CALU: variants seen among roughly 807,000 people sequenced by gnomAD.
CALU encodes calumenin, also known as IEF SSP 9302.
In CALU, 13 loss-of-function variants were observed where a neutral mutation model predicts 37.5. That is an observed-to-expected ratio of 0.35 (90% confidence interval 0.23 to 0.55). CALU has a LOEUF of 0.55. Among genes scored for constraint, CALU ranks in the 20% least tolerant of loss-of-function variants. The probability of loss-of-function intolerance (pLI) is 0.89; values close to 1 mark genes in which losing one functional copy is unlikely to be tolerated. For synonymous variants in CALU, 114 were observed against 133.8 expected (o/e 0.85, Z 1.02); for missense variants, 282 against 391.7 (o/e 0.72, Z 2.36).
chr7:128,750,184 C>A (rs189569292), intron 2 of CALU, among the ~76,000 whole-genome samples: 17 of 144,438 alleles, frequency 1.2e-4, no homozygotes, highest in East Asian at 6.0e-4. Flanking sequence ...GCCGAGATCA[C>A]GCCACTGCAC....
At chr7:128,768,254 G>A (rs554570710) in intron 6 of CALU, among the ~76,000 whole-genome samples, 22 of 152,220 alleles carry the variant, frequency 1.4e-4, no homozygotes, top group African/African-American at 4.3e-4. Context: ...AGTGTTCTGA[G>A]TATATTTTTG....
intron 1 of CALU, among the ~76,000 whole-genome samples, chr7:128,746,762 CTTTTT>C (rs71162530): frequency 1.6e-5 from 2 of 122,660 alleles, no homozygotes; most frequent in Non-Finnish European, 3.3e-5. Flanking sequence ...TCATGTCATT[CTTTTT>C]TTTTTTTTTT....
rs987479796 is a variant in CALU, at chr7:128,773,327, C to T, written c.*4160C>T. Among the ~76,000 whole-genome samples, 12 of 152,078 alleles carry T rather than the reference C, an allele frequency of 7.9e-5. No homozygotes were observed. Among genetic ancestry groups the T allele is most frequent in the Non-Finnish European group, 1.6e-4 (11 of 68,008 alleles). On this transcript the variant is annotated 3_prime_UTR_variant, in exon 7 of 7. Coordinates refer to ENST00000249364, the MANE Select transcript of CALU (RefSeq NM_001219.5). ...TTCCAGGATACATGTGCAGGATGTG[C>T]AGGTTTGTTACATAGGTAAACGTGT...
chr7:128,766,617 T>G (rs561291114), intron 5 of CALU, among the ~76,000 whole-genome samples: 1 of 151,932 alleles, frequency 6.6e-6, no homozygotes, highest in East Asian at 1.9e-4. Context: ...TTAGTAGAGA[T>G]GGGGTTTTGC....
In CALU at chr7:128,757,358, AGT is replaced by A. The variant is rs10638444; in HGVS notation, c.416-1480_416-1479del. 8.6e-3 allele frequency among the ~76,000 whole-genome samples: 1,254 copies of A among 145,790 alleles called. 8 individuals carry two copies. The highest frequency in any genetic ancestry group is 0.048 in the East Asian group (236 of 4,914). On this transcript the variant is annotated intron_variant, in intron 3 of 6. Transcript: ENST00000249364. ...TCCATCTCAACCTATTATGGCTTTG[AGT>A]GTGTGTGTGTGTGTGTGTGTGTGTG...
intron 2 of CALU, among the ~76,000 whole-genome samples, chr7:128,749,926 G>A (rs911288175): frequency 6.6e-5 from 10 of 152,106 alleles, no homozygotes; most frequent in African/African-American, 2.4e-4. Context: ...TAACATTCCA[G>A]GCTGAAAATA....
intron 1 of CALU, among the ~76,000 whole-genome samples, chr7:128,742,670 G>A (rs1195946147): frequency 1.3e-5 from 2 of 152,194 alleles, no homozygotes; most frequent in Non-Finnish European, 2.9e-5. Context: ...TTACCTGAAG[G>A]GTGGGGTAGG....
chr7:128,765,263 T>C (rs1053820857), intron 5 of CALU, among the ~76,000 whole-genome samples: 3 of 152,038 alleles, frequency 2.0e-5, no homozygotes, highest in Admixed American at 6.6e-5. Context: ...CTCTGTCACC[T>C]AGGCTGGAGT....
Position 128,769,287 on chromosome 7 carries a change from A to G in CALU, c.*120A>G, listed in dbSNP as rs1266536476. On this transcript the variant is annotated 3_prime_UTR_variant, in exon 7 of 7. Coordinates refer to ENST00000249364, the MANE Select transcript of CALU (RefSeq NM_001219.5). The stretch of plus-strand genomic sequence containing the variant: ...AACTTTTTAAGACATGAAAAGGCGT[A>G]ATGAAAACCATCCCGTCCCCATTCC... 1 of 591,134 alleles carries G rather than the reference A, an allele frequency of 1.7e-6. No individual in the cohort carries two copies. The highest frequency in any genetic ancestry group is 2.9e-5 in the East Asian group (1 of 34,640). The allele number at this position is 591,134 out of a possible 1,614,324, so 36.6% of individuals were successfully genotyped here.
chr7:128,740,248 A>G (rs1330242817), intron 1 of CALU, among the ~76,000 whole-genome samples: 1 of 152,242 alleles, frequency 6.6e-6, no homozygotes, highest in African/African-American at 2.4e-5. Context: ...GTCTCCTGCT[A>G]AAACTTTTGA....
chr7:128,746,727 C>T (rs1407959502), intron 1 of CALU, among the ~76,000 whole-genome samples: 2 of 151,086 alleles, frequency 1.3e-5, no homozygotes, highest in Admixed American at 1.3e-4. Flanking sequence ...CTTGGGATTA[C>T]AGGCGTGAAC....
chr7:128,754,552 C>T (rs2307040), intron 3 of CALU, 97 bp downstream of exon 3: 531,297 of 1,555,712 alleles, frequency 0.34, 96,989 homozygotes, highest in Middle Eastern at 0.39. Context: ...AAAATAGACG[C>T]GGATAAAGAT....
chr7:128,765,123 C>T (rs1801280585), intron 5 of CALU, among the ~76,000 whole-genome samples: 1 of 152,150 alleles, frequency 6.6e-6, no homozygotes, highest in African/African-American at 2.4e-5. Context: ...CTACATTGCC[C>T]AGGCTGGTCT....
intron 5 of CALU, among the ~76,000 whole-genome samples, chr7:128,760,737 T>C (rs1302537124): frequency 6.6e-6 from 1 of 152,156 alleles, no homozygotes; most frequent in Non-Finnish European, 1.5e-5. Flanking sequence ...TGAAACCCTG[T>C]CTCTACTAAA....
At chr7:128,748,954 A>G (rs1180089398) in intron 2 of CALU, 150 bp downstream of exon 2, 21 of 591,866 alleles carry the variant, frequency 3.5e-5, no homozygotes, top group Non-Finnish European at 5.7e-5. Context: ...TACCTCTAAA[A>G]TTTCATTAAA....
intron 1 of CALU, among the ~76,000 whole-genome samples, chr7:128,746,762 CTTTTTTTTTTTT>C (rs71162530): frequency 7.1e-4 from 87 of 122,626 alleles, no homozygotes; most frequent in Admixed American, 8.2e-4. Context: ...TCATGTCATT[CTTTTTTTTTTTT>C]TTTTTTTTTT....
rs745704766 is a variant in CALU, at chr7:128,754,298, G to A, written c.258G>A (p.Gly86=). ...IVSKIDGDKD[G]FVTVDELKDW... ...GTAAAATAGATGGCGACAAGGACGG[G>A]TTTGTCACTGTGGATGAGCTCAAAG... The change falls in exon 3 of 7, where the codon GGG becomes GGA. Residue 86 remains glycine (G), a synonymous_variant. Transcript: ENST00000249364. 6.2e-7 allele frequency: 1 copy of A among 1,612,474 alleles called. No homozygotes were observed. Among genetic ancestry groups the A allele is most frequent in the Non-Finnish European group, 8.5e-7 (1 of 1,179,562 alleles).
At position 128,770,260 on chromosome 7, in the gene CALU, GA is replaced by G. The variant is rs1801506971; in HGVS notation, c.*1094del. 1.3e-5 allele frequency: 2 copies of G among 152,708 alleles called. No individual in the cohort carries two copies. Among genetic ancestry groups the G allele is most frequent in the South Asian group, 4.1e-4 (2 of 4,822 alleles). The allele number at this position is 152,708 out of a possible 1,614,324, so 9.5% of individuals were successfully genotyped here. On this transcript the variant is annotated 3_prime_UTR_variant, in exon 7 of 7. Transcript: ENST00000249364. ...GCCTAGAACCTCCCAGTAGAGTGGG[GA>G]TTTTTTTCTTCTTCCCTTTCTCTTT...
At chr7:128,756,511 T>A (rs1800888872) in intron 3 of CALU, among the ~76,000 whole-genome samples, 1 of 152,222 alleles carries the variant, frequency 6.6e-6, no homozygotes, top group Non-Finnish European at 1.5e-5. Flanking sequence ...TTTTTGTTAC[T>A]GTGTGTTCTT....
Sources: allele counts gnomAD v4.1 joint callset (sites outside exome capture counted in the v4.1 genomes callset), GRCh38; gene constraint gnomAD v4.1.1; transcripts MANE v1.5; gene names NCBI Gene and HGNC (gene_info 2026-07-23, HGNC 2026-07-21).